Variants in MTFR1L observed in about 807,000 individuals in gnomAD.
MTFR1L encodes mitochondrial fission regulator 1 like.
Under a neutral mutation model 27.9 loss-of-function variants are expected in MTFR1L, and 10 were observed. The observed-to-expected ratio is 0.36, with a 90% CI of 0.22 to 0.61. The LOEUF is 0.61. Ranked by LOEUF, MTFR1L falls within the 20% of genes least tolerant of loss-of-function variation. The pLI is 0.73. For synonymous variants in MTFR1L, 151 were observed against 139.4 expected (o/e 1.08, Z -0.58); for missense variants, 315 against 363.7 (o/e 0.87, Z 1.09).
chr1:25,829,394 T>C (rs1331508388), intron 5 of MTFR1L, 115 bp from the exon 6 acceptor site: 7 of 940,300 alleles, frequency 7.4e-6, no homozygotes, highest in African/African-American at 4.9e-5. Context: ...CTCTCCCAGA[T>C]TGTCATGGTG....
At chr1:25,822,301 TGTTC>T (rs1430346694) in intron 1 of MTFR1L, 1 of 152,440 alleles carries the variant, frequency 6.6e-6, no homozygotes, top group African/African-American at 2.4e-5. Context: ...CATGAGCTGG[TGTTC>T]GTTCTCCTAT....
intron 6 of MTFR1L, among the ~76,000 whole-genome samples, 199 bp from the exon 7 acceptor site, chr1:25,831,722 C>T (rs780390277): frequency 2.6e-5 from 4 of 152,188 alleles, no homozygotes; most frequent in East Asian, 1.9e-4. Flanking sequence ...CTGGATTCAC[C>T]GCTTACTTGC....
chr1:25,831,413 T>C (rs141640989), intron 6 of MTFR1L, among the ~76,000 whole-genome samples: 26 of 152,314 alleles, frequency 1.7e-4, no homozygotes, highest in African/African-American at 6.3e-4. Flanking sequence ...ATTCTGGCTC[T>C]CATAAAAAAT....
intron 1 of MTFR1L, 41 bp from the exon 2 acceptor site, chr1:25,822,977 TG>T (rs34408316): frequency 1.3e-6 from 2 of 1,539,960 alleles, no homozygotes; most frequent in South Asian, 1.1e-5. Context: ...ATCCCCACTG[TG>T]GGGGGTTGTT....
intron 1 of MTFR1L, 127 bp downstream of exon 1, chr1:25,820,156 G>C: frequency 2.2e-6 from 1 of 452,000 alleles, no homozygotes; most frequent in Non-Finnish European, 4.4e-6. Flanking sequence ...TCTCGCGGGA[G>C]CCGCAGCTGT....
intron 5 of MTFR1L, 90 bp from the exon 6 acceptor site, chr1:25,829,419 G>A (rs1035026432): frequency 3.9e-5 from 47 of 1,192,740 alleles, no homozygotes; most frequent in Non-Finnish European, 5.7e-5. Context: ...CCCAGGAAAT[G>A]AATGTTCAGT....
chr1:25,820,982 G>C (rs1358023069), intron 1 of MTFR1L: 1 of 294,870 alleles, frequency 3.4e-6, no homozygotes, highest in Non-Finnish European at 6.4e-6. Flanking sequence ...GGGGGTGCTG[G>C]TGTTTGATGC....
chr1:25,831,077 CT>C (rs1267068019), intron 6 of MTFR1L, among the ~76,000 whole-genome samples: 1 of 152,188 alleles, frequency 6.6e-6, no homozygotes, highest in Non-Finnish European at 1.5e-5. Flanking sequence ...CCTCCTCCCA[CT>C]TGTGTCCTCA....
Position 25,829,595 on chromosome 1 carries a change from T to C in MTFR1L, c.538T>C (p.Ser180Pro), listed in dbSNP as rs2048210428. Reference sequence around the variant, plus strand: ...ACCTTGTTTTGGATCCTCATTCCACTCTACAACTTCCTTTGTCATTAGTGA... The same window carrying C: ...ACCTTGTTTTGGATCCTCATTCCACCCTACAACTTCCTTTGTCATTAGTGA... ...PLPCFGSSFHSTTSFVISDIT... is the reference protein window; with the variant it reads ...PLPCFGSSFHPTTSFVISDIT... The change falls in exon 6 of 7, where the codon TCT becomes CCT. Residue 180 changes from serine (S) to proline (P), a missense_variant. Ser to Pro is a moderately conservative substitution (Grantham distance 74). Transcript: ENST00000374303. The C allele has an allele frequency of 1.9e-6, 3 of 1,614,246 alleles. No homozygotes were observed. The highest frequency in any genetic ancestry group is 1.3e-5 in the African/African-American group (1 of 75,060).
chr1:25,826,812 T>TGGC lies in MTFR1L; in HGVS notation c.438_440dup (p.Ala148dup). ...TTGCGCAGCCAGATTGCAAAGATAG[T>TGGC]GGCAGCTGATGCAGGTAGGAGCCCC... is the stretch of plus-strand genomic sequence containing the variant. On this transcript the variant is annotated inframe_insertion, in exon 5 of 7. Transcript: ENST00000374303. The surrounding 1 kb of genome is among the most constrained non-coding windows in gnomAD (Gnocchi z 4.1). 1 of 1,613,846 alleles carries TGGC rather than the reference T, an allele frequency of 6.2e-7. No individual in the cohort carries two copies. Among genetic ancestry groups the TGGC allele is most frequent in the Non-Finnish European group, 8.5e-7 (1 of 1,180,006 alleles).
At chr1:25,821,997 G>A (rs2048099930) in intron 1 of MTFR1L, 1 of 152,206 alleles carries the variant, frequency 6.6e-6, no homozygotes, top group Non-Finnish European at 1.5e-5. Flanking sequence ...GTGAATGAAC[G>A]AGCACACTGA....
In MTFR1L at chr1:25,820,236, A is replaced by G. The variant is rs74613198; in HGVS notation, c.-87+207A>G. 6.1e-3 allele frequency: 2,761 copies of G among 455,550 alleles called. 66 individuals carry two copies. Among genetic ancestry groups the G allele is most frequent in the African/African-American group, 0.051 (2,546 of 50,060 alleles). The allele number at this position is 455,550 out of a possible 1,614,324, so 28.2% of individuals were successfully genotyped here. On this transcript the variant is annotated intron_variant, in intron 1 of 6. Coordinates refer to ENST00000374303, the MANE Select transcript of MTFR1L (RefSeq NM_001099625.2). ...TGCTCGTCGGAGTTCCCCAGCAAAC[A>G]GTGACCAAGCCAGACCTCAGGCTTC...
At chr1:25,825,356 T>C (rs997901119) in intron 3 of MTFR1L, among the ~76,000 whole-genome samples, 11 of 152,270 alleles carry the variant, frequency 7.2e-5, no homozygotes, top group African/African-American at 2.4e-4. Flanking sequence ...TTATGAAAAG[T>C]AAAAGGAAAA....
chr1:25,822,313 T>A (rs1018605089), intron 1 of MTFR1L: 1 of 152,532 alleles, frequency 6.6e-6, no homozygotes, highest in African/African-American at 2.4e-5. Flanking sequence ...TTCGTTCTCC[T>A]ATTTTCTCTG....
chr1:25,831,486 A>G (rs1377286874), intron 6 of MTFR1L, among the ~76,000 whole-genome samples: 2 of 152,212 alleles, frequency 1.3e-5, no homozygotes, highest in Non-Finnish European at 1.5e-5. Context: ...CTCCAGAACT[A>G]TCAAGGGTCA....
At chr1:25,825,284 A>AGG (rs2048153578) in intron 3 of MTFR1L, among the ~76,000 whole-genome samples, 1 of 152,168 alleles carries the variant, frequency 6.6e-6, no homozygotes, top group Non-Finnish European at 1.5e-5. Flanking sequence ...ATTACCTTAA[A>AGG]TATTATTTAA....
Position 25,826,594 on chromosome 1 carries a change from A to G in MTFR1L, c.240-21A>G, listed in dbSNP as rs775734181. On this transcript the variant is annotated intron_variant, in intron 4 of 6. Transcript: ENST00000374303. The surrounding 1 kb of genome is among the most constrained non-coding windows in gnomAD (Gnocchi z 4.1). The stretch of plus-strand genomic sequence containing the variant: ...GTGGCCTGCTGTCTCTAACTGATCT[A>G]CTTGGTTTTCCCTGGTCCAGGAGTG... 6.2e-7 allele frequency: 1 copy of G among 1,613,934 alleles called. No homozygotes were observed. Among genetic ancestry groups the G allele is most frequent in the Admixed American group, 1.7e-5 (1 of 60,016 alleles).
chr1:25,823,880 C>A, intron 3 of MTFR1L, 132 bp downstream of exon 3: 1 of 1,171,668 alleles, frequency 8.5e-7, no homozygotes, highest in Non-Finnish European at 1.2e-6. Context: ...TTGTTAAATG[C>A]TTATAAGATA....
chr1:25,824,619 AGGTGTCAGGGTT>A (rs2048144626), intron 3 of MTFR1L, among the ~76,000 whole-genome samples: 1 of 152,136 alleles, frequency 6.6e-6, no homozygotes, highest in African/African-American at 2.4e-5. Context: ...GAATTAGAAG[AGGTGTCAGGGTT>A]GGTATTAGGG....
Sources: gnomAD v4.1 joint callset for allele counts (sites outside exome capture counted in the v4.1 genomes callset) on GRCh38, gnomAD v4.1.1 for gene constraint, Gnocchi (gnomAD v3.1) non-coding constraint, MANE v1.5 for transcripts, NCBI Gene and HGNC (gene_info 2026-07-23, HGNC 2026-07-21) for gene names.